RGL1: variants seen among roughly 807,000 people sequenced by gnomAD.
RGL1 encodes ral guanine nucleotide dissociation stimulator-like 1.
RGL1 carries 24 observed loss-of-function variants against 95.2 expected under a neutral mutation model. That is an observed-to-expected ratio of 0.25 (90% CI 0.18 to 0.35). The LOEUF (loss-of-function observed/expected upper bound fraction) is 0.35. Ranked by LOEUF, RGL1 falls within the 10% of genes least tolerant of loss-of-function variation. The probability of loss-of-function intolerance (pLI) is 1.00; values close to 1 mark genes in which losing one functional copy is unlikely to be tolerated. For missense variants in RGL1, 715 were observed against 936.3 expected (o/e 0.76, Z 3.08); for synonymous variants, 329 against 344.9 (o/e 0.95, Z 0.51).
intron 16 of RGL1, among the ~76,000 whole-genome samples, chr1:183,920,193 C>A (rs1476939914): frequency 6.6e-6 from 1 of 152,200 alleles, no homozygotes; most frequent in East Asian, 1.9e-4. Context: ...CACGACCACG[C>A]CTGGCTAACT....
chr1:183,820,329 G>A (rs1010515343), intron 2 of RGL1, among the ~76,000 whole-genome samples: 3 of 152,168 alleles, frequency 2.0e-5, no homozygotes, highest in East Asian at 1.9e-4. Flanking sequence ...TGTTTCTGAT[G>A]CCACAGACAA....
intron 1 of RGL1, among the ~76,000 whole-genome samples, chr1:183,737,261 A>C (rs973327324): frequency 2.6e-5 from 4 of 152,194 alleles, no homozygotes; most frequent in African/African-American, 9.6e-5. Context: ...TAACGTTTTC[A>C]AGATTAGCCT....
intron 2 of RGL1, among the ~76,000 whole-genome samples, chr1:183,773,545 T>G (rs1471789234): frequency 3.3e-5 from 5 of 152,240 alleles, no homozygotes; most frequent in African/African-American, 1.2e-4. Context: ...AGGCTCAGAA[T>G]GGCACGTTTT....
At chr1:183,801,795 A>ATGG (rs1661006754), upstream of RGL1, among the ~76,000 whole-genome samples, 2 of 152,218 alleles carry the variant, frequency 1.3e-5, no homozygotes, top group Non-Finnish European at 2.9e-5. Flanking sequence ...GCATGCAGAG[A>ATGG]TCACATGGTG....
At chr1:183,639,006 G>A (rs1046223321) in intron 1 of RGL1, among the ~76,000 whole-genome samples, 9 of 152,158 alleles carry the variant, frequency 5.9e-5, no homozygotes, top group Non-Finnish European at 7.4e-5. Context: ...CTGGCTGGGC[G>A]TGGTGGCTCA....
rs1026925481 is a variant in RGL1 at position 183,916,647 on chromosome 1, C to T, written c.1950C>T (p.Cys650=). The part of the protein sequence containing the change: ...PVYNQQNEDT[C]IIRISVEDNN... ...ACAACCAACAGAATGAAGACACCTG[C>T]ATAATCCGCATCAGTGTGGAAGACA... The change falls in exon 16 of 18, where the codon TGC becomes TGT. Residue 650 remains cysteine, a synonymous_variant. Coordinates refer to ENST00000360851, the MANE Select transcript of RGL1 (RefSeq NM_001297671.3). 6.2e-7 allele frequency: 1 copy of T among 1,613,970 alleles called. No homozygotes were observed. The highest frequency in any genetic ancestry group is 8.5e-7 in the Non-Finnish European group (1 of 1,180,014).
At chr1:183,795,495 A>T (rs1660652352) in intron 2 of RGL1, among the ~76,000 whole-genome samples, 1 of 152,220 alleles carries the variant, frequency 6.6e-6, no homozygotes, top group Non-Finnish European at 1.5e-5. Context: ...GAACCACATG[A>T]GCAAAGGCTG....
intron 3 of RGL1, among the ~76,000 whole-genome samples, chr1:183,854,217 G>T (rs1664998678): frequency 6.6e-6 from 1 of 152,162 alleles, no homozygotes; most frequent in African/African-American, 2.4e-5. Context: ...AAAACTGAAT[G>T]TTGGCCAGGA....
At chr1:183,700,730 G>A (rs1259083745) in intron 1 of RGL1, among the ~76,000 whole-genome samples, 2 of 152,054 alleles carry the variant, frequency 1.3e-5, no homozygotes, top group African/African-American at 4.8e-5. Flanking sequence ...ATTTTTAGAA[G>A]AGACGGGGTT....
chr1:183,884,878 C>A lies in RGL1; in HGVS notation c.891C>A (p.Gly297=). 6.2e-7 allele frequency: 1 copy of A among 1,614,074 alleles called. No homozygotes were observed. Among genetic ancestry groups the A allele is most frequent in the Non-Finnish European group, 8.5e-7 (1 of 1,179,982 alleles). The change falls in exon 7 of 18, where the codon GGC becomes GGA. Residue 297 remains glycine (G), a synonymous_variant. Transcript: ENST00000360851. ...TKCVVSTILG[G]KELKTQQRAK... is the part of the protein sequence containing the mutation. ...GTGTTGTCAGCACCATCCTGGGGGG[C>A]AAAGAACTCAAAACTCAGCAGAGAG... is the stretch of plus-strand genomic sequence containing the variant.
At chr1:183,897,473 TG>T (rs1667767059) in intron 9 of RGL1, among the ~76,000 whole-genome samples, 1 of 151,598 alleles carries the variant, frequency 6.6e-6, no homozygotes, top group Admixed American at 6.6e-5. Context: ...CACTTGAACC[TG>T]GGAGGCAGAG....
At chr1:183,865,215 A>T (rs1665754233) in intron 3 of RGL1, among the ~76,000 whole-genome samples, 2 of 152,192 alleles carry the variant, frequency 1.3e-5, no homozygotes, top group South Asian at 4.1e-4. Context: ...TCACATGTGG[A>T]GTTGGGAGAA....
At chr1:183,695,729 G>C (rs1029473175) in intron 1 of RGL1, among the ~76,000 whole-genome samples, 1 of 152,178 alleles carries the variant, frequency 6.6e-6, no homozygotes, top group Non-Finnish European at 1.5e-5. Context: ...TATTTCACAA[G>C]TTCAGGTTTC....
At chr1:183,644,176 GA>G (rs1453657132) in intron 1 of RGL1, among the ~76,000 whole-genome samples, 1 of 152,206 alleles carries the variant, frequency 6.6e-6, no homozygotes, top group Non-Finnish European at 1.5e-5. Context: ...ATTATTTAGA[GA>G]AGCATTAAGG....
chr1:183,757,963 T>C (rs901342143), intron 2 of RGL1, among the ~76,000 whole-genome samples: 2 of 152,232 alleles, frequency 1.3e-5, no homozygotes, highest in Admixed American at 1.3e-4. Flanking sequence ...GGCCAGGGCA[T>C]CAACTTCAGC....
chr1:183,834,816 G>A (rs1019162544), intron 2 of RGL1, among the ~76,000 whole-genome samples: 12 of 151,974 alleles, frequency 7.9e-5, no homozygotes, highest in Non-Finnish European at 1.5e-4. Context: ...AGCCTCCCAA[G>A]TAGCTAGGCA....
intron 2 of RGL1, among the ~76,000 whole-genome samples, chr1:183,779,204 CTT>C (rs1491515634): frequency 1.4e-5 from 2 of 146,732 alleles, no homozygotes; most frequent in African/African-American, 5.1e-5. Context: ...TCCTTCCTTC[CTT>C]CCTTCCTTCC....
At chr1:183,653,500 G>T (rs1185116063) in intron 1 of RGL1, among the ~76,000 whole-genome samples, 1 of 152,204 alleles carries the variant, frequency 6.6e-6, no homozygotes, top group Non-Finnish European at 1.5e-5. Context: ...TTTTTCTCCT[G>T]CTAGCTGAAG....
chr1:183,749,003 A>G (rs1339187886), intron 2 of RGL1, among the ~76,000 whole-genome samples: 3 of 152,136 alleles, frequency 2.0e-5, no homozygotes, highest in Non-Finnish European at 4.4e-5. Context: ...TATGATTTCA[A>G]TTCTTTTACA....
Sources: allele counts gnomAD v4.1 joint callset (sites outside exome capture counted in the v4.1 genomes callset), GRCh38; gene constraint gnomAD v4.1.1; transcripts MANE v1.5; gene names NCBI Gene and HGNC (gene_info 2026-07-23, HGNC 2026-07-21).